The following ASH1L variants were observed in gnomAD, a reference collection of about 807,000 sequenced individuals.
ASH1L encodes ASH1 like histone lysine methyltransferase.
In ASH1L, 23 loss-of-function variants were observed where a neutral mutation model predicts 269.0. The ratio of observed to expected loss-of-function variants is 0.09; its 90% CI spans 0.06 to 0.12. The LOEUF is 0.12. Ranked by LOEUF, ASH1L falls within the 10% of genes least tolerant of loss-of-function variation. The probability of loss-of-function intolerance (pLI) is 1.00; values close to 1 mark genes in which losing one functional copy is unlikely to be tolerated. For synonymous variants in ASH1L, 1,187 were observed against 1,253.5 expected (o/e 0.95, Z 1.12); for missense variants, 2,912 against 3,567.8 (o/e 0.82, Z 4.68).
chr1:155,522,759 T>C (rs1290430685), intron 1 of ASH1L, among the ~76,000 whole-genome samples: 1 of 151,278 alleles, frequency 6.6e-6, no homozygotes, highest in Non-Finnish European at 1.5e-5. Flanking sequence ...CGATCTCAGC[T>C]CACTGCAACC....
Position 155,482,100 on chromosome 1 carries a change from GC to G in ASH1L, c.769del (p.Ala257GlnfsTer6), listed in dbSNP as rs779501176. 1 of 1,614,110 alleles carries G rather than the reference GC, an allele frequency of 6.2e-7. No individual in the cohort carries two copies. The highest frequency in any genetic ancestry group is 8.5e-7 in the Non-Finnish European group (1 of 1,180,002). The part of the protein sequence containing the change: ...GLVSKDLIRK[A>X]GVGSVAGIIH... ...TATTCCAGCTACAGAGCCAACACCT[GC>G]TTTCCTGATCAAATCCTTGCTAACC... On this transcript the variant is annotated frameshift_variant, in exon 3 of 28. Transcript: ENST00000392403. LOFTEE classifies it high-confidence loss of function.
chr1:155,417,873 G>C (rs571072239), intron 5 of ASH1L, among the ~76,000 whole-genome samples: 1 of 151,972 alleles, frequency 6.6e-6, no homozygotes, highest in Middle Eastern at 3.4e-3. Context: ...CAGGGGAATC[G>C]CTTGAACCTG....
At chr1:155,473,490 C>CTT (rs1198354857) in intron 3 of ASH1L, among the ~76,000 whole-genome samples, 1,704 of 142,314 alleles carry the variant, frequency 0.012, 42 homozygotes, top group African/African-American at 0.047. Flanking sequence ...TGTAGTATTT[C>CTT]TATTTTTTTT....
intron 1 of ASH1L, among the ~76,000 whole-genome samples, chr1:155,531,533 T>C (rs1349952406): frequency 3.3e-5 from 5 of 152,120 alleles, no homozygotes; most frequent in African/African-American, 1.2e-4. Context: ...GAAACATGAT[T>C]CTCATTTTAA....
Position 155,521,491 on chromosome 1 carries a change from C to A in ASH1L, c.29G>T (p.Gly10Val). 1 of 1,613,372 alleles carries A rather than the reference C, an allele frequency of 6.2e-7. No individual in the cohort carries two copies. The highest frequency in any genetic ancestry group is 8.5e-7 in the Non-Finnish European group (1 of 1,179,762). Reference sequence around the variant, plus strand: ...AAAACCTTCGGAATCAGAACCCAATCCTAACATAGCAGTATTTCTAGGGTC... The same window carrying A: ...AAAACCTTCGGAATCAGAACCCAATACTAACATAGCAGTATTTCTAGGGTC... MDPRNTAML[G>V]LGSDSEGFSR... is the part of the protein sequence containing the mutation. Residue 10 changes from glycine (G) to valine (V), a missense_variant, in exon 2 of 28, where the codon GGA (glycine) becomes GTA (valine). Gly to Val is a moderately radical substitution (Grantham distance 109, BLOSUM62 -3). Coordinates refer to ENST00000392403, the MANE Select transcript of ASH1L (RefSeq NM_018489.3).
At chr1:155,511,773 G>A (rs1472405539) in intron 2 of ASH1L, among the ~76,000 whole-genome samples, 1 of 152,046 alleles carries the variant, frequency 6.6e-6, no homozygotes, top group African/African-American at 2.4e-5. Flanking sequence ...TAAACTGCTG[G>A]GATTACAGGG....
rs1235802634 is a variant in ASH1L at position 155,484,957 on chromosome 1, AAAAAC to A, written c.421-2513_421-2509del. Among the ~76,000 whole-genome samples the A allele has an allele frequency of 3.1e-3, 419 of 133,318 alleles. 7 individuals are homozygous for A. The highest frequency in any genetic ancestry group is 7.6e-3 in the Middle Eastern group (2 of 264). The allele number at this position is 133,318 out of a possible 152,430, so 87.5% of individuals were successfully genotyped here. Reference sequence around the variant, plus strand: ...AAAAAAAAAAAACAAAAACAAAAACAAAAACAAAAACCAACCAACCACCCGGTGCA... The same window carrying A: ...AAAAAAAAAAAACAAAAACAAAAACAAAAAACCAACCAACCACCCGGTGCA... On this transcript the variant is annotated intron_variant, in intron 2 of 27. Transcript: ENST00000392403.
At chr1:155,456,682 GC>G (rs1285498059) in intron 4 of ASH1L, among the ~76,000 whole-genome samples, 1 of 152,086 alleles carries the variant, frequency 6.6e-6, no homozygotes, top group Non-Finnish European at 1.5e-5. Context: ...ATAAACCACT[GC>G]TTCTAACGGT....
At chr1:155,560,071 C>T (rs1447647576) in intron 1 of ASH1L, among the ~76,000 whole-genome samples, 1 of 152,158 alleles carries the variant, frequency 6.6e-6, no homozygotes, top group Non-Finnish European at 1.5e-5. Context: ...GTTCTCCTGT[C>T]AACATGTTCA....
intron 1 of ASH1L, among the ~76,000 whole-genome samples, chr1:155,536,240 C>G (rs981674600): frequency 1.3e-5 from 2 of 152,066 alleles, no homozygotes; most frequent in Non-Finnish European, 2.9e-5. Context: ...TTTGCCCAAC[C>G]CGGCTTCCTG....
At position 155,381,520 on chromosome 1, in the gene ASH1L, A is replaced by G. The variant is rs565190990; in HGVS notation, c.6104-1404T>C. ...AGCCAAGATTGCACCACTGCACTCCAGCCTGGACAATAGTGCGAGACTCCG... is the reference window on the plus strand; with the variant it reads ...AGCCAAGATTGCACCACTGCACTCCGGCCTGGACAATAGTGCGAGACTCCG... On this transcript the variant is annotated intron_variant, in intron 7 of 27. Transcript: ENST00000392403. 2.7e-5 allele frequency among the ~76,000 whole-genome samples: 4 copies of G among 150,910 alleles called. No homozygotes were observed. The East Asian group carries it at 7.9e-4, about 30-fold the overall frequency.
In ASH1L at chr1:155,531,305, A is replaced by C. The variant is rs80047375; in HGVS notation, c.-99-9687T>G. Among the ~76,000 whole-genome samples, 72 of 152,236 alleles carry C rather than the reference A, an allele frequency of 4.7e-4. 1 individual carries two copies. In the East Asian group the frequency reaches 0.014, roughly 29 times the overall value. Reference sequence around the variant, plus strand: ...TAATGAAAGAATTCCATGTCTTAATATGTATAACTGCAAAATTTATATGTA... The same window carrying C: ...TAATGAAAGAATTCCATGTCTTAATCTGTATAACTGCAAAATTTATATGTA... On this transcript the variant is annotated intron_variant, in intron 1 of 27. Transcript: ENST00000392403.
chr1:155,464,869 C>T (rs1309695628), intron 3 of ASH1L, among the ~76,000 whole-genome samples: 1 of 151,944 alleles, frequency 6.6e-6, no homozygotes. Context: ...TACAGCAAAA[C>T]TGTAAGATGA....
rs760972957 is a variant in ASH1L at position 155,562,171 on chromosome 1, C to A, written c.-118G>T. On this transcript the variant is annotated 5_prime_UTR_variant, in exon 1 of 28. Coordinates refer to ENST00000392403, the MANE Select transcript of ASH1L (RefSeq NM_018489.3). Reference sequence around the variant, plus strand: ...TACTCACCGTGTCGGAGGCCGAGGCCGAGGCCGAGAGCGATGAGAGTGCAG... The same window carrying A: ...TACTCACCGTGTCGGAGGCCGAGGCAGAGGCCGAGAGCGATGAGAGTGCAG... 1 of 1,595,376 alleles carries A rather than the reference C, an allele frequency of 6.3e-7. No individual in the cohort carries two copies. Among genetic ancestry groups the A allele is most frequent in the Non-Finnish European group, 8.6e-7 (1 of 1,165,942 alleles).
intron 4 of ASH1L, chr1:155,440,732 C>T (rs1342114777): frequency 3.3e-5 from 5 of 152,650 alleles, no homozygotes; most frequent in Admixed American, 3.3e-4. Context: ...TAACTATCAT[C>T]TATATTCTGA....
intron 2 of ASH1L, among the ~76,000 whole-genome samples, chr1:155,507,507 A>G (rs1667890163): frequency 6.6e-6 from 1 of 152,234 alleles, no homozygotes; most frequent in African/African-American, 2.4e-5. Context: ...CAAAAATGTT[A>G]GTCAACAAAG....
chr1:155,349,304 T>C (rs780763778), intron 19 of ASH1L, 23 bp downstream of exon 19: 6 of 1,599,404 alleles, frequency 3.8e-6, no homozygotes, highest in Non-Finnish European at 5.1e-6. Context: ...TTGTGAAATC[T>C]GTTTGAAGTC....
At chr1:155,341,629 A>T (rs1168165500) in intron 25 of ASH1L, among the ~76,000 whole-genome samples, 6 of 152,132 alleles carry the variant, frequency 3.9e-5, no homozygotes, top group African/African-American at 1.4e-4. Flanking sequence ...TTGCTTCTTA[A>T]AATTATGGGT....
rs374748577 is a variant in ASH1L, at chr1:155,464,463, T to C, written c.4985-4565A>G. Among the ~76,000 whole-genome samples the C allele has an allele frequency of 3.3e-5, 5 of 152,026 alleles. No homozygotes were observed. In the South Asian group the frequency reaches 8.3e-4, roughly 25 times the overall value. ...CTCAGATGATGACAACTTCAGAATATGTTTGGAAATTCTACACACATAAAT... is the reference window on the plus strand; with the variant it reads ...CTCAGATGATGACAACTTCAGAATACGTTTGGAAATTCTACACACATAAAT... On this transcript the variant is annotated intron_variant, in intron 3 of 27. Transcript: ENST00000392403.
Sources: allele counts gnomAD v4.1 joint callset (sites outside exome capture counted in the v4.1 genomes callset), GRCh38; gene constraint gnomAD v4.1.1; transcripts MANE v1.5; gene names NCBI Gene and HGNC (gene_info 2026-07-23, HGNC 2026-07-21).